ELMO1: variants seen among roughly 807,000 people sequenced by gnomAD.
The protein encoded by ELMO1 is engulfment and cell motility 1, also known as engulfment and cell motility protein 1.
ELMO1 carries 26 observed loss-of-function variants against 98.9 expected under a neutral mutation model. That is an observed-to-expected ratio of 0.26 (90% CI 0.19 to 0.36). The LOEUF is 0.36. Ranked by LOEUF, ELMO1 falls within the 10% of genes least tolerant of loss-of-function variation. The pLI, the probability that ELMO1 is intolerant of heterozygous loss-of-function variation, is 1.00. For missense variants in ELMO1, 627 were observed against 935.2 expected, an observed-to-expected ratio of 0.67 and a Z score of 4.30; for synonymous variants, 346 against 346.0, an observed-to-expected ratio of 1.00 and a Z score of 0.00.
intron 19 of ELMO1, among the ~76,000 whole-genome samples, chr7:36,876,356 A>C (rs1024492832): frequency 2.0e-5 from 3 of 151,720 alleles, no homozygotes; most frequent in Non-Finnish European, 4.4e-5. Context: ...CTTTTATGAA[A>C]GGGTTGTGAT....
intron 4 of ELMO1, among the ~76,000 whole-genome samples, chr7:37,301,661 C>A (rs904050922): frequency 1.3e-5 from 2 of 150,904 alleles, no homozygotes; most frequent in African/African-American, 4.9e-5. Flanking sequence ...TTGATGGCAA[C>A]AAAGCAGTCA....
At chr7:36,971,983 T>G (rs536197877) in intron 16 of ELMO1, among the ~76,000 whole-genome samples, 16 of 152,310 alleles carry the variant, frequency 1.1e-4, no homozygotes, top group Middle Eastern at 3.4e-3. Flanking sequence ...ATGCGGGCTT[T>G]CTTTCTTGCT....
chr7:37,124,628 A>G (rs1262220519), intron 14 of ELMO1, among the ~76,000 whole-genome samples: 1 of 152,218 alleles, frequency 6.6e-6, no homozygotes, highest in African/African-American at 2.4e-5. Context: ...GCTCAACAAA[A>G]TAAAAGAGGA....
chr7:37,298,550 G>A (rs11973597), intron 4 of ELMO1, among the ~76,000 whole-genome samples: 5,075 of 145,922 alleles, frequency 0.035, 279 homozygotes, highest in African/African-American at 0.12. Context: ...GAGAATATGC[G>A]GTGTTTGGTT....
chr7:36,927,424 T>C (rs952567916), intron 16 of ELMO1, among the ~76,000 whole-genome samples: 1 of 152,248 alleles, frequency 6.6e-6, no homozygotes, highest in Non-Finnish European at 1.5e-5. Context: ...CTGTTAACAA[T>C]ACCTTGAACA....
chr7:37,242,417 T>A (rs932866796), intron 7 of ELMO1, among the ~76,000 whole-genome samples: 1 of 152,214 alleles, frequency 6.6e-6, no homozygotes, highest in African/African-American at 2.4e-5. Context: ...ATCTGCTAAT[T>A]CCAACATCTG....
chr7:37,389,641 A>G (rs998852457), intron 1 of ELMO1, among the ~76,000 whole-genome samples: 1 of 152,202 alleles, frequency 6.6e-6, no homozygotes, highest in African/African-American at 2.4e-5. Flanking sequence ...AGAGGCAGGA[A>G]TAATAGCTTG....
At chr7:36,953,839 T>TTTTGTG in intron 16 of ELMO1, among the ~76,000 whole-genome samples, 1 of 136,188 alleles carries the variant, frequency 7.3e-6, no homozygotes, top group Non-Finnish European at 1.6e-5. Flanking sequence ...TGGGTATGTT[T>TTTTGTG]TGTGTGTGTG....
At chr7:36,960,922 G>A (rs531689019) in intron 16 of ELMO1, among the ~76,000 whole-genome samples, 18 of 152,264 alleles carry the variant, frequency 1.2e-4, no homozygotes, top group African/African-American at 4.3e-4. Flanking sequence ...CGCACTTGGG[G>A]TTTCTCTTTG....
At chr7:37,140,098 G>A (rs1184290005) in intron 13 of ELMO1, among the ~76,000 whole-genome samples, 11 of 151,924 alleles carry the variant, frequency 7.2e-5, no homozygotes, top group Middle Eastern at 3.4e-3. Context: ...ATCTAAGGCC[G>A]GGCATGGTGG....
chr7:37,067,775 A>G (rs1797062730), intron 15 of ELMO1, among the ~76,000 whole-genome samples: 1 of 152,076 alleles, frequency 6.6e-6, no homozygotes, highest in Non-Finnish European at 1.5e-5. Context: ...TGTTATTAAC[A>G]CCATAAAGGT....
chr7:36,968,436 A>G (rs1789628363), intron 16 of ELMO1, among the ~76,000 whole-genome samples: 1 of 152,206 alleles, frequency 6.6e-6, no homozygotes, highest in African/African-American at 2.4e-5. Flanking sequence ...AGCAATGTAT[A>G]TATTTTATCC....
At chr7:37,344,965 C>T (rs1446562760) in intron 1 of ELMO1, among the ~76,000 whole-genome samples, 1 of 152,178 alleles carries the variant, frequency 6.6e-6, no homozygotes, top group Non-Finnish European at 1.5e-5. Flanking sequence ...TATCCCAGAT[C>T]TCAGCAGTAG....
In ELMO1 at chr7:37,311,377, C is replaced by T. The variant is rs1318133349; in HGVS notation, c.192+3473G>A. On this transcript the variant is annotated intron_variant, in intron 4 of 21. Transcript: ENST00000310758. ...TTCTGAAGGTGATATTCATCTTCAGCGAAAAGACAGAGACAGTCTCATATA... is the reference window on the plus strand; with the variant it reads ...TTCTGAAGGTGATATTCATCTTCAGTGAAAAGACAGAGACAGTCTCATATA... Among the ~76,000 whole-genome samples the T allele has an allele frequency of 4.6e-5, 7 of 151,148 alleles. No individual in the cohort carries two copies. In the East Asian group the frequency reaches 7.7e-4, roughly 17 times the overall value.
chr7:37,062,609 G>A (rs1796725012), intron 15 of ELMO1, among the ~76,000 whole-genome samples: 1 of 152,156 alleles, frequency 6.6e-6, no homozygotes, highest in Non-Finnish European at 1.5e-5. Context: ...AAATGAAAGT[G>A]GGGAAAGGGA....
At chr7:37,340,245 T>C (rs1024847805) in intron 2 of ELMO1, among the ~76,000 whole-genome samples, 1 of 152,252 alleles carries the variant, frequency 6.6e-6, no homozygotes, top group Non-Finnish European at 1.5e-5. Flanking sequence ...GTGATTATTA[T>C]GTAAGAGAAT....
chr7:36,865,121 T>C (rs560643133), intron 20 of ELMO1, among the ~76,000 whole-genome samples: 21 of 152,334 alleles, frequency 1.4e-4, no homozygotes, highest in African/African-American at 2.6e-4. Context: ...GTATGCAACA[T>C]ATTTTCAGTG....
intron 16 of ELMO1, among the ~76,000 whole-genome samples, chr7:37,011,125 G>A (rs772673250): frequency 1.3e-5 from 2 of 152,178 alleles, no homozygotes; most frequent in African/African-American, 2.4e-5. Flanking sequence ...TTAGAGCTAC[G>A]GTAAGAAACT....
At chr7:37,136,597 G>T (rs1475392327) in intron 13 of ELMO1, among the ~76,000 whole-genome samples, 2 of 152,030 alleles carry the variant, frequency 1.3e-5, no homozygotes, top group African/African-American at 4.8e-5. Flanking sequence ...ACAATTATCG[G>T]CCAAGAATCT....
Sources: gnomAD v4.1 joint callset for allele counts (sites outside exome capture counted in the v4.1 genomes callset) on GRCh38, gnomAD v4.1.1 for gene constraint, MANE v1.5 for transcripts, NCBI Gene and HGNC (gene_info 2026-07-23, HGNC 2026-07-21) for gene names.